Variants in IL16 observed in about 807,000 individuals in gnomAD.
The protein encoded by IL16 is interleukin 16.
A neutral mutation model predicts 110.1 loss-of-function variants in IL16; 67 were observed. That is an observed-to-expected ratio of 0.61 (90% confidence interval 0.50 to 0.75). IL16 has a LOEUF of 0.75. Among genes scored for constraint, IL16 ranks in the 30% least tolerant of loss-of-function variants. The pLI, the probability that IL16 is intolerant of heterozygous loss-of-function variation, is 0.00. For synonymous variants in IL16, 689 were observed against 662.9 expected, an observed-to-expected ratio of 1.04 and a Z score of -0.61; for missense variants, 1,545 against 1,655.0, an observed-to-expected ratio of 0.93 and a Z score of 1.15.
In IL16 at chr15:81,312,350, A is replaced by T. The variant is rs748817907; in HGVS notation, c.*3552A>T. 3 of 152,106 alleles carry T rather than the reference A, an allele frequency of 2.0e-5. No individual in the cohort carries two copies. In the East Asian group the frequency reaches 5.8e-4, roughly 29 times the overall value. 9.4% of individuals were successfully genotyped at this position (152,106 alleles called of 1,614,324 possible). ...AGCCAGGGCTGCTAGACGGAGGCCT[A>T]CTCTTCCATCTTTCCTGATGGCAGG... On this transcript the variant is annotated 3_prime_UTR_variant, in exon 19 of 19. Transcript: ENST00000683961.
At chr15:81,241,238 A>G (rs1897326317) in intron 2 of IL16, among the ~76,000 whole-genome samples, 1 of 152,064 alleles carries the variant, frequency 6.6e-6, no homozygotes, top group Non-Finnish European at 1.5e-5. Context: ...GTATGAAAGT[A>G]TCTCCTTCCT....
intron 1 of IL16, among the ~76,000 whole-genome samples, chr15:81,224,199 A>C (rs1175912664): frequency 6.6e-6 from 1 of 152,212 alleles, no homozygotes; most frequent in Admixed American, 6.5e-5. Flanking sequence ...GGATATGTGA[A>C]AGGGTTTTGA....
At chr15:81,271,148 C>T (rs542259875) in intron 5 of IL16, among the ~76,000 whole-genome samples, 5 of 152,102 alleles carry the variant, frequency 3.3e-5, no homozygotes, top group Non-Finnish European at 7.4e-5. Flanking sequence ...GACGTGCAGC[C>T]GGGCGCACTG....
chr15:81,278,022 T>G (rs1898992430), intron 6 of IL16, among the ~76,000 whole-genome samples: 1 of 150,940 alleles, frequency 6.6e-6, no homozygotes, highest in South Asian at 2.1e-4. Flanking sequence ...AGTCAAAAGA[T>G]CCAAGTCCTA....
At chr15:81,206,924 A>T (rs1361236639) in intron 1 of IL16, among the ~76,000 whole-genome samples, 3 of 152,156 alleles carry the variant, frequency 2.0e-5, no homozygotes, top group African/African-American at 7.2e-5. Flanking sequence ...AAACCACCCA[A>T]CAAACCATGC....
At chr15:81,189,186 C>T (rs1188585986) in intron 1 of IL16, among the ~76,000 whole-genome samples, 4 of 149,434 alleles carry the variant, frequency 2.7e-5, no homozygotes, top group South Asian at 2.1e-4. Flanking sequence ...TGCAGTGGCA[C>T]GATCTTGGCT....
At chr15:81,199,871 A>T (rs1328556214) in intron 1 of IL16, among the ~76,000 whole-genome samples, 1 of 152,252 alleles carries the variant, frequency 6.6e-6, no homozygotes, top group Non-Finnish European at 1.5e-5. Flanking sequence ...GAGTAAGCAC[A>T]GACCTCTTGA....
At chr15:81,268,189 G>T (rs184779894) in intron 4 of IL16, among the ~76,000 whole-genome samples, 12 of 152,192 alleles carry the variant, frequency 7.9e-5, no homozygotes, top group Admixed American at 7.2e-4. Flanking sequence ...TGGAGAGAGC[G>T]GCCCATCAGG....
intron 1 of IL16, among the ~76,000 whole-genome samples, chr15:81,191,808 C>G (rs1440977151): frequency 6.6e-6 from 1 of 152,042 alleles, no homozygotes; most frequent in African/African-American, 2.4e-5. Flanking sequence ...AAGGGCATGG[C>G]TTATTCAAGA....
intron 2 of IL16, among the ~76,000 whole-genome samples, chr15:81,257,922 A>G (rs1249119430): frequency 6.6e-6 from 1 of 152,196 alleles, no homozygotes; most frequent in Non-Finnish European, 1.5e-5. Flanking sequence ...AATCATTCAC[A>G]TGTGACAGCC....
intron 7 of IL16, among the ~76,000 whole-genome samples, chr15:81,279,307 C>G (rs550903573): frequency 6.6e-6 from 1 of 152,268 alleles, no homozygotes; most frequent in Non-Finnish European, 1.5e-5. Flanking sequence ...ATCCATCCAT[C>G]TATTCATCCA....
At position 81,287,793 on chromosome 15, in the gene IL16, A is replaced by C. The variant is rs548711513; in HGVS notation, c.1332+1963A>C. ...TAATGGTGTGGTGGAATTCAAACCC[A>C]GCCCCATTCTGTGGATTGCACACTG... On this transcript the variant is annotated intron_variant, in intron 10 of 18. Coordinates refer to ENST00000683961, the MANE Select transcript of IL16 (RefSeq NM_172217.5). Among the ~76,000 whole-genome samples, 36 of 152,366 alleles carry C rather than the reference A, an allele frequency of 2.4e-4. No homozygotes were observed. In the South Asian group the frequency reaches 7.5e-3, roughly 32 times the overall value.
chr15:81,267,659 G>A (rs896537622), intron 4 of IL16, among the ~76,000 whole-genome samples: 2 of 152,142 alleles, frequency 1.3e-5, no homozygotes, highest in African/African-American at 4.8e-5. Flanking sequence ...TGAGAACCAG[G>A]AGAGCCAATG....
In IL16 at chr15:81,313,515, C is replaced by A. The variant is rs1250771599; in HGVS notation, c.*4717C>A. On this transcript the variant is annotated 3_prime_UTR_variant, in exon 19 of 19. Coordinates refer to ENST00000683961, the MANE Select transcript of IL16 (RefSeq NM_172217.5). The stretch of plus-strand genomic sequence containing the variant: ...GTGGAAATGGCCATGATACAGTGAT[C>A]GCGTCTCATCCCTTGCTGTGCCCTC... 1 of 1,056,264 alleles carries A rather than the reference C, an allele frequency of 9.5e-7. No individual in the cohort carries two copies. The highest frequency in any genetic ancestry group is 1.3e-6 in the Non-Finnish European group (1 of 772,770). 65.4% of individuals were successfully genotyped at this position (1,056,264 alleles called of 1,614,324 possible).
At chr15:81,200,058 C>G (rs1895753327) in intron 1 of IL16, among the ~76,000 whole-genome samples, 1 of 152,220 alleles carries the variant, frequency 6.6e-6, no homozygotes, top group South Asian at 2.1e-4. Context: ...TGAAAATCAA[C>G]TTAGCGGGTT....
In IL16 at chr15:81,303,489, T is replaced by C. The variant is rs929499645; in HGVS notation, c.3319-60T>C. 8.8e-7 allele frequency: 1 copy of C among 1,142,314 alleles called. No individual in the cohort carries two copies. The highest frequency in any genetic ancestry group is 1.3e-6 in the Non-Finnish European group (1 of 756,824). 70.8% of individuals were successfully genotyped at this position (1,142,314 alleles called of 1,614,324 possible). Reference sequence around the variant, plus strand: ...ACAAATCAGTCTGATGTCAGTCCGATGTTAAATTGTTCATCCTCTTGCAGT... The same window carrying C: ...ACAAATCAGTCTGATGTCAGTCCGACGTTAAATTGTTCATCCTCTTGCAGT... On this transcript the variant is annotated intron_variant, in intron 15 of 18. Transcript: ENST00000683961. The surrounding 1 kb of genome is among the most constrained non-coding windows in gnomAD (Gnocchi z 4.1).
At chr15:81,195,443 C>T (rs1363687169), upstream of IL16, among the ~76,000 whole-genome samples, 2 of 152,142 alleles carry the variant, frequency 1.3e-5, no homozygotes, top group Admixed American at 6.5e-5. Flanking sequence ...CTGACAGAGG[C>T]GCTCACTCTC....
chr15:81,305,152 C>A (rs891431103), intron 16 of IL16, among the ~76,000 whole-genome samples: 6 of 152,136 alleles, frequency 3.9e-5, no homozygotes, highest in Non-Finnish European at 7.4e-5. Context: ...GAAAAGAATT[C>A]TTTGTTGAAA....
At position 81,311,335 on chromosome 15, in the gene IL16, G is replaced by A. The variant is rs917894968; in HGVS notation, c.*2537G>A. The A allele has an allele frequency of 1.3e-5, 2 of 152,192 alleles. No individual in the cohort carries two copies. The highest frequency in any genetic ancestry group is 4.1e-4 in the South Asian group (2 of 4,828). The allele number at this position is 152,192 out of a possible 1,614,324, so 9.4% of individuals were successfully genotyped here. On this transcript the variant is annotated 3_prime_UTR_variant, in exon 19 of 19. Transcript: ENST00000683961. ...CACTTGTGCCAACACTCAAGAAGCAGGCTACACTGACACTGGTATTCCTGC... is the reference window on the plus strand; with the variant it reads ...CACTTGTGCCAACACTCAAGAAGCAAGCTACACTGACACTGGTATTCCTGC...
Sources: allele counts gnomAD v4.1 joint callset (sites outside exome capture counted in the v4.1 genomes callset), GRCh38; gene constraint gnomAD v4.1.1; non-coding constraint Gnocchi (gnomAD v3.1); transcripts MANE v1.5; gene names NCBI Gene and HGNC (gene_info 2026-07-23, HGNC 2026-07-21).